The following SUMF2 variants were observed in gnomAD, a reference collection of about 807,000 sequenced individuals.
SUMF2 encodes inactive C-alpha-formylglycine-generating enzyme 2.
Under a neutral mutation model 44.8 loss-of-function variants are expected in SUMF2, and 45 were observed. That is an observed-to-expected ratio of 1.00 (90% CI 0.79 to 1.29). The LOEUF (loss-of-function observed/expected upper bound fraction) is 1.29. Ranked by LOEUF, SUMF2 falls within the 50% of genes most tolerant of loss-of-function variation. The pLI is 0.00. For synonymous variants in SUMF2, 148 were observed against 150.4 expected, an observed-to-expected ratio of 0.98 and a Z score of 0.12; for missense variants, 418 against 389.9, an observed-to-expected ratio of 1.07 and a Z score of -0.61.
rs560787832 is a variant in SUMF2, at chr7:56,068,281, C to G, written c.68-201C>G. On this transcript the variant is annotated intron_variant, in intron 1 of 8. Transcript: ENST00000434526. ...TCTTGATCTGACCTCGTCATCTACC[C>G]GCCTCGGCCTCTCAAAGTGCTGGGA... Among the ~76,000 whole-genome samples the G allele has an allele frequency of 4.6e-5, 7 of 152,080 alleles. No homozygotes were observed. The East Asian group carries it at 7.8e-4, about 17-fold the overall frequency.
rs764425311 is a variant in SUMF2 at position 56,078,503 on chromosome 7, C to T, written c.816C>T (p.Thr272=). The stretch of plus-strand genomic sequence containing the variant: ...CTGCCAATCACCGGGCCCGGGTCAC[C>T]ACCAGGTAAGGGGCTTGGTCCCAGG... ...DGSANHRARV[T]TRMGNTPDSA... is the part of the protein sequence containing the mutation. The change falls in exon 8 of 9, where the codon ACC becomes ACT. Residue 272 remains threonine, a synonymous_variant. Transcript: ENST00000434526. 8.9e-6 allele frequency: 14 copies of T among 1,569,820 alleles called. No homozygotes were observed. The highest frequency in any genetic ancestry group is 1.4e-5 in the African/African-American group (1 of 73,784).
intron 1 of SUMF2, among the ~76,000 whole-genome samples, chr7:56,065,947 G>A (rs1794755674): frequency 6.6e-6 from 1 of 151,838 alleles, no homozygotes; most frequent in African/African-American, 2.4e-5. Context: ...CGGGCGTGGT[G>A]GCGGGCGCCT....
chr7:56,067,419 A>G (rs1373226086), intron 1 of SUMF2, among the ~76,000 whole-genome samples: 5 of 152,094 alleles, frequency 3.3e-5, no homozygotes, highest in Non-Finnish European at 7.3e-5. Flanking sequence ...GGCTCAAGCA[A>G]TCCTCCTGCC....
rs560672633 is a variant in SUMF2, at chr7:56,065,288, G to T, written c.67+910G>T. On this transcript the variant is annotated intron_variant, in intron 1 of 8. Coordinates refer to ENST00000434526, the MANE Select transcript of SUMF2 (RefSeq NM_015411.4). ...CAGCTTAAATAGCTGCCAGTTTGTG[G>T]CCAGTCCTGCTCCTGCGGAATCGCA... is the stretch of plus-strand genomic sequence containing the variant. 2.1e-3 allele frequency among the ~76,000 whole-genome samples: 314 copies of T among 152,068 alleles called. 2 individuals carry two copies. The highest frequency in any genetic ancestry group is 7.1e-3 in the African/African-American group (296 of 41,496).
At chr7:56,074,517 C>T in intron 4 of SUMF2, 69 bp from the exon 5 acceptor site, 1 of 1,583,200 alleles carries the variant, frequency 6.3e-7, no homozygotes, top group Non-Finnish European at 8.6e-7. Context: ...AACGCGGGCG[C>T]CCTAAACCTA....
At chr7:56,081,204 A>G (rs752093852), downstream of SUMF2, 4 of 1,613,792 alleles carry the variant, frequency 2.5e-6, no homozygotes, top group East Asian at 2.2e-5. The surrounding 1 kb of genome is among the most constrained non-coding windows in gnomAD (Gnocchi z 4.6). Flanking sequence ...GCCGGAGGGC[A>G]TAGGGGTCTC....
Position 56,079,891 on chromosome 7 carries a change from AAAC to A in SUMF2, c.*282_*284del. ...TATTGACACAGGATTGCAAACACAC[AAAC>A]AATTGGAACAGAGCACTCTGAAAGG... On this transcript the variant is annotated 3_prime_UTR_variant, in exon 9 of 9. Coordinates refer to ENST00000434526, the MANE Select transcript of SUMF2 (RefSeq NM_015411.4). The A allele has an allele frequency of 1.3e-6, 2 of 1,525,408 alleles. No homozygotes were observed. Among genetic ancestry groups the A allele is most frequent in the Non-Finnish European group, 1.8e-6 (2 of 1,132,168 alleles). 94.5% of individuals were successfully genotyped at this position (1,525,408 alleles called of 1,614,324 possible).
At chr7:56,074,459 C>A in intron 4 of SUMF2, 127 bp from the exon 5 acceptor site, 2 of 1,295,458 alleles carry the variant, frequency 1.5e-6, no homozygotes, top group South Asian at 1.4e-5. Context: ...ACTGGTCACT[C>A]ACCCGGCTCT....
In SUMF2 at chr7:56,078,364, G is replaced by A. The variant is rs1262091426; in HGVS notation, c.677G>A (p.Gly226Glu). 6.2e-6 allele frequency: 10 copies of A among 1,600,268 alleles called. No homozygotes were observed. The South Asian group carries it at 8.9e-5, about 14-fold the overall frequency. ...VNAFPAQNNY[G>E]LYDLLGNVWE... ...GCCTGACCCGCCGGTGGGGCTGCAG[G>A]GCTCTATGACCTCCTGGGGAACGTG... The change falls in exon 8 of 9, where the codon GGG becomes GAG. Residue 226 changes from glycine to glutamate, a missense_variant and splice_region_variant. Physicochemically the swap from Gly to Glu is moderately conservative, Grantham distance 98. Coordinates refer to ENST00000434526, the MANE Select transcript of SUMF2 (RefSeq NM_015411.4).
chr7:56,068,784 C>A, intron 2 of SUMF2, 146 bp downstream of exon 2: 3 of 862,596 alleles, frequency 3.5e-6, no homozygotes, highest in Non-Finnish European at 5.1e-6. Flanking sequence ...CTCACTGCAA[C>A]CTCCACCTCC....
intron 2 of SUMF2, among the ~76,000 whole-genome samples, chr7:56,069,008 G>A (rs1794998141): frequency 1.3e-5 from 2 of 151,972 alleles, no homozygotes; most frequent in South Asian, 4.2e-4. Flanking sequence ...CACTGCACTT[G>A]GCCTCATTCT....
chr7:56,086,746 G>T, the SUMF2 span: 1 of 564,246 alleles, frequency 1.8e-6, no homozygotes, highest in East Asian at 2.9e-5. Context: ...TAATACTGAT[G>T]AGAAAACCAA....
Position 56,074,675 on chromosome 7 carries a change from G to T in SUMF2, c.474G>T (p.Trp158Cys), listed in dbSNP as rs1795417342. The change falls in exon 5 of 9, where the codon TGG (tryptophan) becomes TGT (cysteine). Residue 158 changes from tryptophan (W) to cysteine (C), a missense_variant. Trp to Cys is a radical substitution (Grantham distance 215). Transcript: ENST00000434526. ...SWNDARAYCA[W>C]RGKRLPTEEE... ...ATGACGCCCGTGCCTACTGTGCTTG[G>T]CGGGGAAAACGACTGCCCACGGAGG... The T allele has an allele frequency of 6.2e-7, 1 of 1,614,074 alleles. No individual in the cohort carries two copies. The highest frequency in any genetic ancestry group is 1.3e-5 in the African/African-American group (1 of 74,934).
At chr7:56,086,817 G>T in the SUMF2 span, 2 of 645,860 alleles carry the variant, frequency 3.1e-6, no homozygotes, top group South Asian at 3.8e-5. Flanking sequence ...CCGGCAGCCT[G>T]ACCCCAGGGG....
intron 6 of SUMF2, among the ~76,000 whole-genome samples, chr7:56,077,180 G>T (rs1348081169): frequency 1.3e-5 from 2 of 151,042 alleles, no homozygotes; most frequent in African/African-American, 4.9e-5. Flanking sequence ...CCAAGTAGTT[G>T]GGATTACAGG....
chr7:56,072,199 G>C (rs569233399), intron 2 of SUMF2, among the ~76,000 whole-genome samples: 2 of 152,144 alleles, frequency 1.3e-5, no homozygotes, highest in Admixed American at 1.3e-4. Context: ...GCCACTTTGG[G>C]TGGATCACCT....
intron 6 of SUMF2, among the ~76,000 whole-genome samples, chr7:56,077,436 T>C (rs370023303): frequency 6.8e-6 from 1 of 146,942 alleles, no homozygotes; most frequent in Non-Finnish European, 1.5e-5. Context: ...CCGAGGCGGG[T>C]GGATCACCTG....
chr7:56,087,265 A>C, the SUMF2 span, among the ~76,000 whole-genome samples: 1 of 150,728 alleles, frequency 6.6e-6, no homozygotes, highest in African/African-American at 2.4e-5. Context: ...TGTCTCACCC[A>C]GGCTGGAGTG....
At position 56,073,191 on chromosome 7, in the gene SUMF2, GAC is replaced by G. The variant is rs1230491739; in HGVS notation, c.339+84_339+85del. On this transcript the variant is annotated intron_variant, in intron 3 of 8. Transcript: ENST00000434526. ...ATCCTGTGGGACATGGGTTACCTGGGACACAGTGGAGAATCAGACCTGAGAGG... is the reference window on the plus strand; with the variant it reads ...ATCCTGTGGGACATGGGTTACCTGGGACAGTGGAGAATCAGACCTGAGAGG... 3 of 1,085,384 alleles carry G rather than the reference GAC, an allele frequency of 2.8e-6. No homozygotes were observed. In the South Asian group the frequency reaches 3.9e-5, roughly 14 times the overall value. 67.2% of individuals were successfully genotyped at this position (1,085,384 alleles called of 1,614,324 possible).
Sources: gnomAD v4.1 joint callset for allele counts (sites outside exome capture counted in the v4.1 genomes callset) on GRCh38, gnomAD v4.1.1 for gene constraint, Gnocchi (gnomAD v3.1) non-coding constraint, MANE v1.5 for transcripts, NCBI Gene and HGNC (gene_info 2026-07-23, HGNC 2026-07-21) for gene names.